NDUFAF2: variants seen among roughly 807,000 people sequenced by gnomAD.
The protein encoded by NDUFAF2 is NADH dehydrogenase [ubiquinone] 1 alpha subcomplex assembly factor 2.
A neutral mutation model predicts 22.8 loss-of-function variants in NDUFAF2; 13 were observed. The observed-to-expected ratio is 0.57, with a 90% CI of 0.37 to 0.91. NDUFAF2 has a LOEUF of 0.91. Among genes scored for constraint, NDUFAF2 ranks in the 40% least tolerant of loss-of-function variants. The probability of loss-of-function intolerance (pLI) is 0.01; values close to 1 mark genes in which losing one functional copy is unlikely to be tolerated. For missense variants in NDUFAF2, 162 were observed against 195.2 expected (o/e 0.83, Z 1.01); for synonymous variants, 53 against 64.2 (o/e 0.83, Z 0.84).
intron 1 of NDUFAF2, among the ~76,000 whole-genome samples, chr5:61,027,731 A>C (rs369289757): frequency 1.0e-3 from 157 of 152,070 alleles, no homozygotes; most frequent in African/African-American, 3.7e-3. Flanking sequence ...ATATTAGCTT[A>C]ACTATTTAAT....
chr5:61,081,309 T>C (rs723276), intron 2 of NDUFAF2, among the ~76,000 whole-genome samples: 91,340 of 151,962 alleles, frequency 0.6, 28,206 homozygotes, highest in East Asian at 0.94. Flanking sequence ...GCCCATATAA[T>C]GTTTTTACAC....
chr5:60,968,551 T>A (rs1750787555), intron 1 of NDUFAF2, among the ~76,000 whole-genome samples: 2 of 151,888 alleles, frequency 1.3e-5, no homozygotes, highest in South Asian at 4.1e-4. Context: ...TTTGAAAAAT[T>A]TTTTTATTTA....
intron 3 of NDUFAF2, chr5:61,115,477 T>C (rs1313175064): frequency 6.6e-6 from 1 of 152,298 alleles, no homozygotes; most frequent in Non-Finnish European, 1.5e-5. Context: ...TGAATAGTTT[T>C]TCAATTTGGT....
chr5:60,987,342 A>G (rs1751095936), intron 1 of NDUFAF2, among the ~76,000 whole-genome samples: 3 of 152,190 alleles, frequency 2.0e-5, no homozygotes. Context: ...GCTGAATTCC[A>G]CCAGATGTAT....
chr5:60,972,783 T>C (rs1245042095), intron 1 of NDUFAF2, among the ~76,000 whole-genome samples: 6 of 150,972 alleles, frequency 4.0e-5, no homozygotes, highest in Admixed American at 6.6e-5. Flanking sequence ...GTTTTTTTTT[T>C]TTTTGGTTTT....
chr5:61,082,139 T>A (rs1489355269), intron 2 of NDUFAF2, among the ~76,000 whole-genome samples: 1 of 152,060 alleles, frequency 6.6e-6, no homozygotes, highest in African/African-American at 2.4e-5. Flanking sequence ...AGAAAAAAAA[T>A]GTGCATGAGT....
chr5:61,151,915 A>G (rs1271195884), intron 3 of NDUFAF2, among the ~76,000 whole-genome samples: 1 of 152,230 alleles, frequency 6.6e-6, no homozygotes, highest in East Asian at 1.9e-4. Flanking sequence ...CTTTTCAAAT[A>G]TTAATATCTC....
At chr5:60,986,486 T>G (rs1392748775) in intron 1 of NDUFAF2, among the ~76,000 whole-genome samples, 3 of 152,134 alleles carry the variant, frequency 2.0e-5, no homozygotes, top group African/African-American at 7.2e-5. Context: ...AGAGGGAAAT[T>G]TCTGGCACTA....
chr5:61,120,944 A>C (rs758873473), intron 3 of NDUFAF2, among the ~76,000 whole-genome samples: 1 of 152,118 alleles, frequency 6.6e-6, no homozygotes, highest in Non-Finnish European at 1.5e-5. Context: ...GATTTTCTCA[A>C]TCTAAATTTT....
At chr5:61,067,263 C>T (rs993424507) in intron 1 of NDUFAF2, among the ~76,000 whole-genome samples, 2 of 151,570 alleles carry the variant, frequency 1.3e-5, no homozygotes, top group Non-Finnish European at 2.9e-5. Flanking sequence ...CACCCATTAA[C>T]TCGTCATTTA....
intron 1 of NDUFAF2, among the ~76,000 whole-genome samples, chr5:61,018,571 C>T (rs1054043687): frequency 1.3e-5 from 2 of 152,024 alleles, no homozygotes; most frequent in Admixed American, 6.6e-5. Context: ...TAGAATTTAA[C>T]ATAAGTATTT....
chr5:61,019,109 G>T (rs924721923), intron 1 of NDUFAF2, among the ~76,000 whole-genome samples: 2 of 152,068 alleles, frequency 1.3e-5, no homozygotes, highest in Non-Finnish European at 2.9e-5. Context: ...AGGTAGAAAT[G>T]ATGATTATCA....
rs868151789 is a variant in NDUFAF2, at chr5:61,006,614, T to G, written c.127+61232T>G. 1.7e-4 allele frequency among the ~76,000 whole-genome samples: 26 copies of G among 152,302 alleles called. No homozygotes were observed. The Middle Eastern group carries it at 0.017, about 100-fold the overall frequency. The stretch of plus-strand genomic sequence containing the variant: ...CCATTTGTTTGTATCCTCTTTTATT[T>G]CATTGAGCACTGATTTGTAGTTCTC... On this transcript the variant is annotated intron_variant, in intron 1 of 3. Coordinates refer to ENST00000296597, the MANE Select transcript of NDUFAF2 (RefSeq NM_174889.5).
At position 60,989,598 on chromosome 5, in the gene NDUFAF2, A is replaced by T. The variant is rs1751131097; in HGVS notation, c.127+44216A>T. ...AAACAAGATCATGTCCTTTTCAGCA[A>T]CATGGATGGAACTGAAGACCATTAT... is the stretch of plus-strand genomic sequence containing the variant. On this transcript the variant is annotated intron_variant, in intron 1 of 3. Transcript: ENST00000296597. Among the ~76,000 whole-genome samples, 3 of 152,230 alleles carry T rather than the reference A, an allele frequency of 2.0e-5. No individual in the cohort carries two copies. The South Asian group carries it at 6.2e-4, about 31-fold the overall frequency.
chr5:61,014,404 A>G (rs867161039), intron 1 of NDUFAF2, among the ~76,000 whole-genome samples: 1 of 152,118 alleles, frequency 6.6e-6, no homozygotes, highest in African/African-American at 2.4e-5. Context: ...CACCCTATAT[A>G]TACCTCTTCA....
chr5:60,952,265 A>G (rs939715320), intron 1 of NDUFAF2, among the ~76,000 whole-genome samples: 2 of 151,278 alleles, frequency 1.3e-5, no homozygotes, highest in African/African-American at 4.9e-5. Flanking sequence ...TTGGTTTTAT[A>G]TGTTCTTCTA....
At chr5:60,988,462 A>G (rs74996510) in intron 1 of NDUFAF2, among the ~76,000 whole-genome samples, 1,887 of 152,288 alleles carry the variant, frequency 0.012, 18 homozygotes, top group South Asian at 0.04. Context: ...AAAGAGCTCA[A>G]GTTGCCAAAG....
intron 1 of NDUFAF2, among the ~76,000 whole-genome samples, chr5:61,012,996 A>G (rs1751459745): frequency 6.6e-6 from 1 of 152,106 alleles, no homozygotes; most frequent in African/African-American, 2.4e-5. Context: ...CTCTCTAAGT[A>G]GCAATTGTGT....
At chr5:61,080,886 T>G (rs2111742339) in intron 2 of NDUFAF2, among the ~76,000 whole-genome samples, 1 of 152,260 alleles carries the variant, frequency 6.6e-6, no homozygotes, top group East Asian at 1.9e-4. Flanking sequence ...CATTTTTTTC[T>G]TTTATATATC....
Sources: allele counts gnomAD v4.1 joint callset (sites outside exome capture counted in the v4.1 genomes callset), GRCh38; gene constraint gnomAD v4.1.1; transcripts MANE v1.5; gene names NCBI Gene and HGNC (gene_info 2026-07-23, HGNC 2026-07-21).